The following SINHCAF variants were observed in gnomAD, a reference collection of about 807,000 sequenced individuals.
The protein encoded by SINHCAF is SIN3-HDAC complex associated factor, also known as SIN3-HDAC complex-associated factor.
Under a neutral mutation model 25.8 loss-of-function variants are expected in SINHCAF, and 3 were observed. The observed-to-expected ratio is 0.12, with a 90% CI of 0.05 to 0.30. The LOEUF (loss-of-function observed/expected upper bound fraction) is 0.30, where lower values mean the gene tolerates loss of function less well. Among genes scored for constraint, SINHCAF ranks in the 10% least tolerant of loss-of-function variants. SINHCAF has a pLI of 1.00. For synonymous variants in SINHCAF, 70 were observed against 85.5 expected (o/e 0.82, Z 1.00); for missense variants, 121 against 262.3 (o/e 0.46, Z 3.72).
At chr12:31,314,071 C>T (rs906563637) in intron 1 of SINHCAF, among the ~76,000 whole-genome samples, 4 of 152,082 alleles carry the variant, frequency 2.6e-5, no homozygotes, top group South Asian at 2.1e-4. Flanking sequence ...AGTTCCTGTC[C>T]GTCACTTCTG....
At chr12:31,321,990 G>A (rs550697583) in intron 1 of SINHCAF, among the ~76,000 whole-genome samples, 1 of 151,228 alleles carries the variant, frequency 6.6e-6, no homozygotes, top group South Asian at 2.1e-4. Context: ...ACCACTCTGG[G>A]GGAAAAAAAA....
chr12:31,315,899 C>T (rs1486873444), intron 1 of SINHCAF, among the ~76,000 whole-genome samples: 3 of 152,178 alleles, frequency 2.0e-5, no homozygotes, highest in East Asian at 1.9e-4. Context: ...GGCGTGGTGG[C>T]TCAAGCCTAT....
rs1452235016 is a variant in SINHCAF at position 31,282,091 on chromosome 12, C to G, written c.*621G>C. 2 of 152,436 alleles carry G rather than the reference C, an allele frequency of 1.3e-5. No individual in the cohort carries two copies. The highest frequency in any genetic ancestry group is 2.9e-5 in the Non-Finnish European group (2 of 67,970). 9.4% of individuals were successfully genotyped at this position (152,436 alleles called of 1,614,324 possible). On this transcript the variant is annotated 3_prime_UTR_variant, in exon 6 of 6. Transcript: ENST00000337682. ...AGTAGCCAGCCATCTTAAAAATGCCCCAACCACTGCTTCTCAAAACAGAAA... is the reference window on the plus strand; with the variant it reads ...AGTAGCCAGCCATCTTAAAAATGCCGCAACCACTGCTTCTCAAAACAGAAA...
chr12:31,297,723 G>A (rs1163706926), intron 2 of SINHCAF, among the ~76,000 whole-genome samples: 1 of 150,312 alleles, frequency 6.7e-6, no homozygotes, highest in African/African-American at 2.5e-5. Context: ...CGCCCGCCTC[G>A]GCCTCCCAAA....
chr12:31,322,438 T>C (rs1241216551), intron 1 of SINHCAF, among the ~76,000 whole-genome samples: 1 of 152,226 alleles, frequency 6.6e-6, no homozygotes, highest in Non-Finnish European at 1.5e-5. Context: ...AGTTATTAAA[T>C]CCAAAGTTTT....
At position 31,311,482 on chromosome 12, in the gene SINHCAF, G is replaced by T. The variant is rs188295990; in HGVS notation, c.-20-13258C>A. The stretch of plus-strand genomic sequence containing the variant: ...AACTATGGCCCATAATTTGGCCTTC[G>T]ACTAGGGTTGATAGAGAATCAGGAC... On this transcript the variant is annotated intron_variant, in intron 1 of 5. Transcript: ENST00000337682. 1,195 of 183,454 alleles carry T rather than the reference G, an allele frequency of 6.5e-3. 9 individuals carry two copies. The highest frequency in any genetic ancestry group is 9.4e-3 in the Admixed American group (159 of 16,844). 11.4% of individuals were successfully genotyped at this position (183,454 alleles called of 1,614,324 possible). A position where few individuals can be genotyped will look rare whatever the true frequency, so the allele number is the denominator to read the frequency against.
chr12:31,287,848 C>T lies in SINHCAF; in HGVS notation c.356-64G>A, dbSNP rs531020322. The T allele has an allele frequency of 3.6e-4, 453 of 1,254,890 alleles. 1 individual carries two copies. Among genetic ancestry groups the T allele is most frequent in the Non-Finnish European group, 4.8e-4 (433 of 897,698 alleles). 77.7% of individuals were successfully genotyped at this position (1,254,890 alleles called of 1,614,324 possible). ...TTCATTACATGTAATTGCAACTAAA[C>T]CTCAGCATAAGACACTGTGAAAGAG... On this transcript the variant is annotated intron_variant, in intron 4 of 5. Coordinates refer to ENST00000337682, the MANE Select transcript of SINHCAF (RefSeq NM_001135812.2).
At chr12:31,285,479 T>C (rs1007630489) in intron 5 of SINHCAF, among the ~76,000 whole-genome samples, 2 of 150,248 alleles carry the variant, frequency 1.3e-5, no homozygotes, top group Admixed American at 1.3e-4. Context: ...TTCGACAATA[T>C]TGTATGATTT....
chr12:31,286,178 T>C (rs1184985171), intron 5 of SINHCAF, among the ~76,000 whole-genome samples: 1 of 152,122 alleles, frequency 6.6e-6, no homozygotes, highest in Non-Finnish European at 1.5e-5. Context: ...ATAGAGAAAA[T>C]GCTTTCATTT....
chr12:31,307,575 AGT>A (rs1037621962), intron 1 of SINHCAF, among the ~76,000 whole-genome samples: 5 of 151,784 alleles, frequency 3.3e-5, no homozygotes, highest in African/African-American at 1.2e-4. Flanking sequence ...AGAGAGAGAG[AGT>A]GGCAAGGTTA....
At chr12:31,301,735 A>G (rs1441074469) in intron 1 of SINHCAF, among the ~76,000 whole-genome samples, 1 of 152,056 alleles carries the variant, frequency 6.6e-6, no homozygotes, top group Non-Finnish European at 1.5e-5. Context: ...CTACAAACCC[A>G]TGAAATGTTT....
At chr12:31,299,782 T>C (rs924166125) in intron 1 of SINHCAF, among the ~76,000 whole-genome samples, 15 of 152,176 alleles carry the variant, frequency 9.9e-5, no homozygotes, top group African/African-American at 3.1e-4. Context: ...AAATGCATCA[T>C]TGGGCATCCT....
rs555611295 is a variant in SINHCAF at position 31,294,884 on chromosome 12, T to C, written c.228+350A>G. ...CAAGTCTGATCTACATGTTCATTAG[T>C]ACCAACCTGAGTTCAAAGGATCATG... On this transcript the variant is annotated intron_variant, in intron 3 of 5. Transcript: ENST00000337682. Among the ~76,000 whole-genome samples, 6 of 152,336 alleles carry C rather than the reference T, an allele frequency of 3.9e-5. No individual in the cohort carries two copies. In the South Asian group the frequency reaches 1.2e-3, roughly 32 times the overall value.
rs1939925811 is a variant in SINHCAF at position 31,325,326 on chromosome 12, G to A, written c.-21+698C>T. On this transcript the variant is annotated intron_variant, in intron 1 of 5. Transcript: ENST00000337682. This position sits in a 1 kb window ranked among gnomAD's most constrained non-coding sequence, Gnocchi z 5.9. ...AGTGGAAGACGGGCTGTTTTTAAGC[G>A]ACCGCGTGTTGCTCTCATTGTCGCA... 1 of 434,160 alleles carries A rather than the reference G, an allele frequency of 2.3e-6. No homozygotes were observed. The highest frequency in any genetic ancestry group is 2.6e-5 in the Admixed American group (1 of 38,478). The allele number at this position is 434,160 out of a possible 1,614,324, so 26.9% of individuals were successfully genotyped here.
chr12:31,291,492 G>A (rs1056068627), intron 4 of SINHCAF, among the ~76,000 whole-genome samples: 4 of 152,166 alleles, frequency 2.6e-5, no homozygotes, highest in Non-Finnish European at 5.9e-5. Context: ...GGCTGGGCAC[G>A]GTGGCTCACG....
intron 1 of SINHCAF, among the ~76,000 whole-genome samples, chr12:31,318,116 CACTA>C (rs1939559848): frequency 2.6e-5 from 4 of 152,160 alleles, no homozygotes. Context: ...ATCCAGTAAA[CACTA>C]ACAGTGTAAC....
intron 2 of SINHCAF, chr12:31,296,887 T>C (rs1296983623): frequency 6.2e-6 from 2 of 324,436 alleles, no homozygotes; most frequent in Non-Finnish European, 1.2e-5. Context: ...AACGATTATA[T>C]TGCTGAGTAA....
chr12:31,323,583 A>G (rs1320619857), intron 1 of SINHCAF, among the ~76,000 whole-genome samples: 2 of 152,178 alleles, frequency 1.3e-5, no homozygotes, highest in Non-Finnish European at 2.9e-5. Flanking sequence ...GGAAGAAAAT[A>G]AAAACAAAGA....
rs1565497124 is a variant in SINHCAF, at chr12:31,302,892, A to T, written c.-20-4668T>A. On this transcript the variant is annotated intron_variant, in intron 1 of 5. Transcript: ENST00000337682. ...GTAAAATATTTAACAAACTCCAGTTACAAATGCACAAAGGGTCAGCCTTAG... is the reference window on the plus strand; with the variant it reads ...GTAAAATATTTAACAAACTCCAGTTTCAAATGCACAAAGGGTCAGCCTTAG... 6.1e-6 allele frequency: 6 copies of T among 975,648 alleles called. No individual in the cohort carries two copies. The South Asian group carries it at 2.8e-4, about 46-fold the overall frequency. 60.4% of individuals were successfully genotyped at this position (975,648 alleles called of 1,614,324 possible).
Sources: gnomAD v4.1 joint callset for allele counts (sites outside exome capture counted in the v4.1 genomes callset) on GRCh38, gnomAD v4.1.1 for gene constraint, Gnocchi (gnomAD v3.1) non-coding constraint, MANE v1.5 for transcripts, NCBI Gene and HGNC (gene_info 2026-07-23, HGNC 2026-07-21) for gene names.